BRD3: variants seen among roughly 807,000 people sequenced by gnomAD.
BRD3 encodes the protein bromodomain containing 3.
A neutral mutation model predicts 66.8 loss-of-function variants in BRD3; 17 were observed. The observed-to-expected ratio is 0.25, with a 90% CI of 0.17 to 0.38. The LOEUF is 0.38. BRD3 is among the 10% of genes least tolerant of loss of function. The probability of loss-of-function intolerance (pLI) is 1.00; values close to 1 mark genes in which losing one functional copy is unlikely to be tolerated. For synonymous variants in BRD3, 421 were observed against 393.2 expected, an observed-to-expected ratio of 1.07 and a Z score of -0.84; for missense variants, 713 against 956.1, an observed-to-expected ratio of 0.75 and a Z score of 3.35.
chr9:134,066,544 C>A (rs953257111), intron 1 of BRD3, among the ~76,000 whole-genome samples: 1 of 142,290 alleles, frequency 7.0e-6, no homozygotes, highest in East Asian at 2.0e-4. Context: ...TCTCCCCAGG[C>A]ATACTACATG....
At chr9:134,039,626 A>T (rs960028706) in intron 9 of BRD3, among the ~76,000 whole-genome samples, 20 of 152,190 alleles carry the variant, frequency 1.3e-4, no homozygotes, top group Admixed American at 1.0e-3. Flanking sequence ...GGTGGTGCCC[A>T]GCCACAGCAG....
rs968112458 is a variant in BRD3 at position 134,067,711 on chromosome 9, GCGCCACCGCCGC to G, written c.-114+222_-114+233del. On this transcript the variant is annotated intron_variant, in intron 1 of 11. Transcript: ENST00000303407. ...GAGCGGGAGGAGGGGAGCGGAGCCC[GCGCCACCGCCGC>G]CGCCACCGCCGCCGCGACCCCGGGC... Among the ~76,000 whole-genome samples, 773 of 145,640 alleles carry G rather than the reference GCGCCACCGCCGC, an allele frequency of 5.3e-3. 8 individuals are homozygous for G. The highest frequency in any genetic ancestry group is 0.018 in the African/African-American group (716 of 40,694).
chr9:134,048,980 G>A (rs1434847060), intron 5 of BRD3, among the ~76,000 whole-genome samples: 2 of 152,164 alleles, frequency 1.3e-5, no homozygotes, highest in African/African-American at 4.8e-5. Flanking sequence ...CAGGGCAAGG[G>A]GCAGCCCAAC....
intron 9 of BRD3, chr9:134,036,734 C>T (rs1378253520): frequency 1.7e-5 from 14 of 801,558 alleles, no homozygotes; most frequent in African/African-American, 5.2e-5. Flanking sequence ...TAGGGCCGGG[C>T]GCGGTGGCTC....
chr9:134,037,591 AAATT>A (rs1829953154), intron 9 of BRD3, among the ~76,000 whole-genome samples: 1 of 152,206 alleles, frequency 6.6e-6, no homozygotes, highest in African/African-American at 2.4e-5. Context: ...AAAAAATAAA[AAATT>A]AAAAAAAGGT....
At chr9:134,051,012 C>T (rs754604480) in intron 4 of BRD3, among the ~76,000 whole-genome samples, 46 of 152,328 alleles carry the variant, frequency 3.0e-4, no homozygotes, top group Admixed American at 1.2e-3. Context: ...CTGGCCATCC[C>T]GCTCAGTCAG....
chr9:134,048,479 AC>A lies in BRD3; in HGVS notation c.715-26del, dbSNP rs556005463. 3.2e-4 allele frequency: 518 copies of A among 1,597,070 alleles called. 1 individual carries two copies. In the African/African-American group the frequency reaches 6.0e-3, roughly 19 times the overall value. On this transcript the variant is annotated intron_variant, in intron 5 of 11. Transcript: ENST00000303407. ...TCTGCGACAGTGAAATAACCAGTGA[AC>A]CCCGGAAACCAGGGGCCCCGAAGAC... is the stretch of plus-strand genomic sequence containing the variant.
intron 11 of BRD3, among the ~76,000 whole-genome samples, chr9:134,034,169 C>G (rs914194182): frequency 1.3e-5 from 2 of 152,232 alleles, no homozygotes; most frequent in Non-Finnish European, 2.9e-5. Context: ...AGATAGGACC[C>G]TACTGTCCCC....
rs138440778 is a variant in BRD3, at chr9:134,053,304, G to C, written c.174C>G (p.Pro58=). Residue 58 remains proline, a synonymous_variant, in exon 2 of 12, where the codon CCC becomes CCG. Coordinates refer to ENST00000303407, the MANE Select transcript of BRD3 (RefSeq NM_007371.4). ...KTLWKHQFAW[P]FYQPVDAIKL... ...TGATTGCGTCCACGGGCTGGTAGAA[G>C]GGCCAGGCGAACTGGTGTTTCCAGA... is the stretch of plus-strand genomic sequence containing the variant. 6.2e-7 allele frequency: 1 copy of C among 1,613,664 alleles called. No homozygotes were observed. The highest frequency in any genetic ancestry group is 1.7e-5 in the Admixed American group (1 of 60,032).
intron 1 of BRD3, 112 bp from the exon 2 acceptor site, chr9:134,053,702 TC>T: frequency 1.0e-6 from 1 of 965,064 alleles, no homozygotes; most frequent in South Asian, 1.9e-5. Flanking sequence ...CAGGGCCTGC[TC>T]CACTCACTCA....
At chr9:134,068,173 C>T (rs1317544332), upstream of BRD3, among the ~76,000 whole-genome samples, 1 of 144,256 alleles carries the variant, frequency 6.9e-6, no homozygotes, top group Non-Finnish European at 1.5e-5. Context: ...CGCCGCGCCC[C>T]GCCCCGGGGG....
chr9:134,057,240 T>C (rs1262568327), intron 1 of BRD3: 1 of 152,228 alleles, frequency 6.6e-6, no homozygotes, highest in Non-Finnish European at 1.5e-5. Context: ...AGTGATGGAC[T>C]ACGGTCCAAA....
At chr9:134,050,716 C>T (rs1436646182) in intron 4 of BRD3, 128 bp from the exon 5 acceptor site, 1 of 740,566 alleles carries the variant, frequency 1.4e-6, no homozygotes, top group Non-Finnish European at 2.2e-6. Flanking sequence ...GCCAGAAGAA[C>T]CCTCCATGCT....
chr9:134,044,456 C>T (rs888202227), intron 7 of BRD3, among the ~76,000 whole-genome samples: 2 of 152,262 alleles, frequency 1.3e-5, no homozygotes, highest in East Asian at 1.9e-4. Context: ...ATTCTGGGTC[C>T]CGTGAAAAGG....
chr9:134,050,342 G>A (rs372197946), intron 5 of BRD3, 32 bp downstream of exon 5: 5 of 1,592,948 alleles, frequency 3.1e-6, no homozygotes, highest in Non-Finnish European at 3.4e-6. Context: ...CCGGGCTCAG[G>A]TGCCCCACCC....
chr9:134,030,598 C>T lies in BRD3; in HGVS notation c.*2992G>A, dbSNP rs995989498. On this transcript the variant is annotated 3_prime_UTR_variant, in exon 12 of 12. Coordinates refer to ENST00000303407, the MANE Select transcript of BRD3 (RefSeq NM_007371.4). ...TTTTAAATATAAAAAAGAAAAACTT[C>T]CTGGAAGCATTATGCCAGTATTAAG... 14 of 224,040 alleles carry T rather than the reference C, an allele frequency of 6.2e-5. No individual in the cohort carries two copies. Among genetic ancestry groups the T allele is most frequent in the Non-Finnish European group, 1.1e-4 (12 of 112,442 alleles). 13.9% of individuals were successfully genotyped at this position (224,040 alleles called of 1,614,324 possible).
intron 1 of BRD3, among the ~76,000 whole-genome samples, chr9:134,067,689 C>G (rs1440708653): frequency 2.1e-5 from 3 of 145,968 alleles, no homozygotes; most frequent in Non-Finnish European, 4.6e-5. Flanking sequence ...CAAGCGGGAG[C>G]GGGAGGAGGG....
rs772848697 is a variant in BRD3, at chr9:134,050,495, G to A, written c.593C>T (p.Ala198Val). ...TGCAGTGATGGTTGGTACAGGGGTG[G>A]CAGCGATGACGGGCGTCTGGGAGAC... is the stretch of plus-strand genomic sequence containing the variant. ...PTVSQTPVIA[A>V]TPVPTITANV... Residue 198 changes from alanine to valine, a missense_variant, in exon 5 of 12, where the codon GCC (alanine) becomes GTC (valine). By Grantham distance (64) the Ala-to-Val change is moderately conservative (BLOSUM62 0). This residue lies in a region of BRD3 where 120 missense variants were observed against 122.8 expected (regional missense o/e 0.98). Transcript: ENST00000303407. The A allele has an allele frequency of 3.1e-6, 5 of 1,609,240 alleles. No homozygotes were observed. The highest frequency in any genetic ancestry group is 3.4e-6 in the Non-Finnish European group (4 of 1,177,604).
In BRD3 at chr9:134,052,348, C is replaced by T; in HGVS notation, c.309G>A (p.Gln103=). The change falls in exon 3 of 12, where the codon CAG becomes CAA. Residue 103 remains glutamine, a synonymous_variant. Coordinates refer to ENST00000303407, the MANE Select transcript of BRD3 (RefSeq NM_007371.4). ...NYYWSASECM[Q]DFNTMFTNCY... ...AATTTGTAAACATGGTGTTGAAGTC[C>T]TGCATACATTCGCTTGCACTCCAAT... 2 of 1,613,664 alleles carry T rather than the reference C, an allele frequency of 1.2e-6. No homozygotes were observed. The highest frequency in any genetic ancestry group is 2.2e-5 in the East Asian group (1 of 44,888).
Sources: allele counts gnomAD v4.1 joint callset (sites outside exome capture counted in the v4.1 genomes callset), GRCh38; gene constraint gnomAD v4.1.1; regional missense constraint gnomAD v4.1.1; transcripts MANE v1.5; gene names NCBI Gene and HGNC (gene_info 2026-07-23, HGNC 2026-07-21).